The following PAPPA variants were observed in gnomAD, a reference collection of about 807,000 sequenced individuals.
PAPPA encodes pappalysin 1, also known as pappalysin-1.
PAPPA carries 60 observed loss-of-function variants against 164.0 expected under a neutral mutation model. The observed-to-expected ratio is 0.37, with a 90% CI of 0.30 to 0.45. PAPPA has a LOEUF of 0.45. PAPPA is among the 20% of genes least tolerant of loss of function. The pLI is 1.00. For synonymous variants in PAPPA, 875 were observed against 814.1 expected, an observed-to-expected ratio of 1.07 and a Z score of -1.27; for missense variants, 1,782 against 2,087.3, an observed-to-expected ratio of 0.85 and a Z score of 2.85.
In PAPPA at chr9:116,334,924, A is replaced by T. The variant is rs1244851052; in HGVS notation, c.3461A>T (p.Gln1154Leu). The change falls in exon 13 of 22, where the codon CAG (glutamine) becomes CTG (leucine). Residue 1154 changes from glutamine (Q) to leucine (L), a missense_variant. By Grantham distance (113) the Gln-to-Leu change is moderately radical (BLOSUM62 -2). Around this residue, in one of 2 missense-constraint regions of PAPPA, gnomAD observed 1,324 missense variants for 1,656.9 expected, o/e 0.80. Coordinates refer to ENST00000328252, the MANE Select transcript of PAPPA (RefSeq NM_002581.5). ...LIIPVVHDLS[Q>L]PFYHSQAVRV... is the part of the protein sequence containing the mutation. ...ATCCCTGTGGTCCATGACCTCAGCC[A>T]GCCCTTCTACCACAGCCAGGCGGTA... 1.9e-6 allele frequency: 3 copies of T among 1,613,190 alleles called. No individual in the cohort carries two copies. The Admixed American group carries it at 5.0e-5, about 27-fold the overall frequency.
intron 13 of PAPPA, among the ~76,000 whole-genome samples, chr9:116,343,640 G>C (rs1846166479): frequency 6.6e-6 from 1 of 152,116 alleles, no homozygotes; most frequent in African/African-American, 2.4e-5. Context: ...GCTATATGAG[G>C]TTGGCCAAAT....
intron 2 of PAPPA, among the ~76,000 whole-genome samples, chr9:116,200,741 G>A (rs939763509): frequency 6.6e-6 from 1 of 151,954 alleles, no homozygotes; most frequent in African/African-American, 2.4e-5. Context: ...CTTAAACATG[G>A]TATTTAATAG....
intron 2 of PAPPA, among the ~76,000 whole-genome samples, chr9:116,197,580 C>T (rs2118652975): frequency 6.6e-6 from 1 of 152,306 alleles, no homozygotes. Flanking sequence ...TTTTGACAGC[C>T]TGGCATATAA....
chr9:116,262,828 C>A (rs1034060638), intron 7 of PAPPA, among the ~76,000 whole-genome samples: 3 of 152,160 alleles, frequency 2.0e-5, no homozygotes, highest in Non-Finnish European at 2.9e-5. Flanking sequence ...TTTAGACCAA[C>A]AATGAAATAG....
chr9:116,238,461 A>G (rs1477988135), intron 7 of PAPPA, among the ~76,000 whole-genome samples: 1 of 152,230 alleles, frequency 6.6e-6, no homozygotes, highest in African/African-American at 2.4e-5. Context: ...ACAAATATGT[A>G]ATGAGAACAT....
intron 1 of PAPPA, among the ~76,000 whole-genome samples, chr9:116,178,146 G>T (rs151308965): frequency 0.011 from 1,707 of 152,244 alleles, 9 homozygotes; most frequent in Non-Finnish European, 0.018. Flanking sequence ...CGCTCTTGTT[G>T]CCCAGGCTGG....
chr9:116,383,818 G>C (rs905020264), intron 21 of PAPPA, among the ~76,000 whole-genome samples: 1 of 152,134 alleles, frequency 6.6e-6, no homozygotes, highest in East Asian at 1.9e-4. Context: ...TGATTGATAG[G>C]ACACTGAAGA....
chr9:116,157,295 G>A (rs577670254), intron 1 of PAPPA, among the ~76,000 whole-genome samples: 30 of 152,296 alleles, frequency 2.0e-4, no homozygotes, highest in Non-Finnish European at 3.5e-4. Flanking sequence ...TCAGACAGGC[G>A]CTCGGAGAGA....
chr9:116,375,363 C>T (rs1362537738), intron 19 of PAPPA, among the ~76,000 whole-genome samples: 1 of 152,172 alleles, frequency 6.6e-6, no homozygotes. Flanking sequence ...TCTCCAAGGT[C>T]TTTGATTTAC....
intron 8 of PAPPA, among the ~76,000 whole-genome samples, chr9:116,270,179 T>C (rs1257762424): frequency 6.6e-6 from 1 of 152,216 alleles, no homozygotes; most frequent in Non-Finnish European, 1.5e-5. Flanking sequence ...TGTGATTCCT[T>C]GAGCATCTTC....
At chr9:116,251,328 C>T (rs1296890336) in intron 7 of PAPPA, among the ~76,000 whole-genome samples, 1 of 152,182 alleles carries the variant, frequency 6.6e-6, no homozygotes, top group African/African-American at 2.4e-5. Flanking sequence ...GAACTCAAGC[C>T]ACTCCTGGGA....
chr9:116,392,131 C>A (rs1302329453), intron 21 of PAPPA, among the ~76,000 whole-genome samples: 1 of 152,182 alleles, frequency 6.6e-6, no homozygotes, highest in Admixed American at 6.5e-5. Context: ...CATTGCTGGG[C>A]AGAGTGAGTA....
intron 4 of PAPPA, among the ~76,000 whole-genome samples, chr9:116,216,884 G>T (rs1228793675): frequency 6.6e-6 from 1 of 152,062 alleles, no homozygotes; most frequent in Non-Finnish European, 1.5e-5. Context: ...TGGGATTACA[G>T]GCGTGCACCA....
intron 15 of PAPPA, among the ~76,000 whole-genome samples, chr9:116,348,853 A>C (rs1281371749): frequency 6.6e-6 from 1 of 152,184 alleles, no homozygotes; most frequent in East Asian, 1.9e-4. Flanking sequence ...TTATGGCCAC[A>C]TAGTATTTCA....
chr9:116,192,803 A>C (rs1161116694), intron 2 of PAPPA, among the ~76,000 whole-genome samples: 1 of 152,234 alleles, frequency 6.6e-6, no homozygotes. Context: ...GGTAGAATGC[A>C]CTTCACACAC....
chr9:116,274,350 C>T (rs1189966264), intron 9 of PAPPA, among the ~76,000 whole-genome samples: 1 of 152,184 alleles, frequency 6.6e-6, no homozygotes, highest in Non-Finnish European at 1.5e-5. Flanking sequence ...GATCCCAGCT[C>T]CCAGGGACTA....
chr9:116,398,732 C>A lies in PAPPA; in HGVS notation c.*2116C>A, dbSNP rs183763607. 1.1e-5 allele frequency: 5 copies of A among 457,280 alleles called. No individual in the cohort carries two copies. The East Asian group carries it at 3.5e-4, about 32-fold the overall frequency. 28.3% of individuals were successfully genotyped at this position (457,280 alleles called of 1,614,324 possible). On this transcript the variant is annotated 3_prime_UTR_variant, in exon 22 of 22. Coordinates refer to ENST00000328252, the MANE Select transcript of PAPPA (RefSeq NM_002581.5). ...ATTGGGTTCCATATTGGCAAGGCTG[C>A]CACAGTTGTTAAGAATAATCCTCTA...
chr9:116,282,280 C>T (rs1420785174), intron 9 of PAPPA, among the ~76,000 whole-genome samples: 1 of 152,090 alleles, frequency 6.6e-6, no homozygotes, highest in Admixed American at 6.6e-5. Flanking sequence ...AGTTGTTATA[C>T]TGTAATGTTT....
intron 12 of PAPPA, among the ~76,000 whole-genome samples, chr9:116,334,548 T>A (rs1846034959): frequency 6.9e-6 from 1 of 145,374 alleles, no homozygotes; most frequent in South Asian, 2.2e-4. Context: ...TACAGCAATG[T>A]GGGAGGGAGG....
Sources: allele counts gnomAD v4.1 joint callset (sites outside exome capture counted in the v4.1 genomes callset), GRCh38; gene constraint gnomAD v4.1.1; regional missense constraint gnomAD v4.1.1; transcripts MANE v1.5; gene names NCBI Gene and HGNC (gene_info 2026-07-23, HGNC 2026-07-21).